CFAP58: variants seen among roughly 807,000 people sequenced by gnomAD.
CFAP58 encodes the protein cilia and flagella associated protein 58.
CFAP58 carries 88 observed loss-of-function variants against 119.5 expected under a neutral mutation model. The observed-to-expected ratio is 0.74, with a 90% CI of 0.62 to 0.88. CFAP58 has a LOEUF of 0.88. CFAP58 is among the 40% of genes least tolerant of loss of function. The pLI, the probability that CFAP58 is intolerant of heterozygous loss-of-function variation, is 0.00. For missense variants in CFAP58, 990 were observed against 1,021.2 expected (o/e 0.97, Z 0.42); for synonymous variants, 365 against 366.3 (o/e 1.00, Z 0.04).
chr10:104,432,588 C>T lies in CFAP58; in HGVS notation c.2257-15110C>T, dbSNP rs547357236. Among the ~76,000 whole-genome samples the T allele has an allele frequency of 2.5e-4, 38 of 152,144 alleles. No individual in the cohort carries two copies. In the South Asian group the frequency reaches 4.1e-3, roughly 17 times the overall value. On this transcript the variant is annotated intron_variant, in intron 15 of 17. Transcript: ENST00000369704. ...TGCGATCTTGGCCCACTACATTCTC[C>T]GCCTCATGGGTTCAAACAATTCTCC...
chr10:104,372,548 G>A (rs1291375587), intron 7 of CFAP58, among the ~76,000 whole-genome samples: 1 of 152,120 alleles, frequency 6.6e-6, no homozygotes, highest in Non-Finnish European at 1.5e-5. Flanking sequence ...TAGGTGCTGG[G>A]TGCATGGAGG....
At position 104,449,076 on chromosome 10, in the gene CFAP58, G is replaced by A. The variant is rs571588079; in HGVS notation, c.2377-995G>A. ...TGAGCATGTCTGCCAGTTTGTCCTT[G>A]ATACTTACCTACTCTTATAGGAAAT... On this transcript the variant is annotated intron_variant, in intron 16 of 17. Coordinates refer to ENST00000369704, the MANE Select transcript of CFAP58 (RefSeq NM_001008723.2). Among the ~76,000 whole-genome samples, 64 of 152,000 alleles carry A rather than the reference G, an allele frequency of 4.2e-4. 1 individual carries two copies. Among genetic ancestry groups the A allele is most frequent in the Non-Finnish European group, 1.5e-5 (1 of 67,990 alleles).
intron 3 of CFAP58, among the ~76,000 whole-genome samples, chr10:104,362,413 G>T (rs936554562): frequency 6.6e-6 from 1 of 152,140 alleles, no homozygotes; most frequent in African/African-American, 2.4e-5. Context: ...CAGTAGTATA[G>T]TTTCAAAATG....
chr10:104,453,761 AGTGTGT>A (rs56666132), intron 17 of CFAP58, among the ~76,000 whole-genome samples: 47 of 138,924 alleles, frequency 3.4e-4, no homozygotes, highest in African/African-American at 4.6e-4. Context: ...CATGAATATG[AGTGTGT>A]GTGTGTGTGT....
At chr10:104,353,281 A>T (rs1434118979), upstream of CFAP58, 1 of 152,284 alleles carries the variant, frequency 6.6e-6, no homozygotes, top group Non-Finnish European at 1.5e-5. Flanking sequence ...ATATTAGATT[A>T]AACCCTTTGA....
chr10:104,344,751 G>A, the CFAP58 span, among the ~76,000 whole-genome samples: 1 of 152,036 alleles, frequency 6.6e-6, no homozygotes. Context: ...CCCTTGCATT[G>A]CCTCAAAAAG....
chr10:104,432,358 G>A (rs2012862448), intron 15 of CFAP58, among the ~76,000 whole-genome samples: 1 of 152,214 alleles, frequency 6.6e-6, no homozygotes, highest in African/African-American at 2.4e-5. Flanking sequence ...ATATGAATCA[G>A]TAGTGAACAT....
At chr10:104,429,183 G>A (rs1273257452) in intron 15 of CFAP58, among the ~76,000 whole-genome samples, 1 of 152,170 alleles carries the variant, frequency 6.6e-6, no homozygotes, top group Non-Finnish European at 1.5e-5. Context: ...GGCTGGTGAT[G>A]AGGGGGTGGC....
chr10:104,391,598 A>G (rs2012045258), intron 9 of CFAP58, among the ~76,000 whole-genome samples: 1 of 152,144 alleles, frequency 6.6e-6, no homozygotes, highest in South Asian at 2.1e-4. Flanking sequence ...GTTGAGAGGT[A>G]TTGACTCATG....
At chr10:104,391,087 T>C (rs765202112) in intron 9 of CFAP58, among the ~76,000 whole-genome samples, 27 of 152,220 alleles carry the variant, frequency 1.8e-4, no homozygotes, top group Admixed American at 3.9e-4. Context: ...TTTTCTGGGA[T>C]GGCAATTCTG....
chr10:104,362,669 C>T (rs1256548672), intron 3 of CFAP58, among the ~76,000 whole-genome samples: 1 of 152,208 alleles, frequency 6.6e-6, no homozygotes. Flanking sequence ...ACCAGTGCTA[C>T]TGCCTTGGTT....
chr10:104,375,763 A>G (rs1369353772), intron 7 of CFAP58, among the ~76,000 whole-genome samples: 4 of 148,778 alleles, frequency 2.7e-5, no homozygotes, highest in Non-Finnish European at 6.0e-5. Flanking sequence ...GAAAAGCAGG[A>G]CAATTCAAAC....
At chr10:104,409,433 C>T (rs2012423195) in intron 15 of CFAP58, among the ~76,000 whole-genome samples, 2 of 152,136 alleles carry the variant, frequency 1.3e-5, no homozygotes, top group South Asian at 2.1e-4. Context: ...TTATACCTGA[C>T]GCCTGCTGTT....
chr10:104,388,956 T>A (rs1416714922), intron 9 of CFAP58, among the ~76,000 whole-genome samples: 3 of 152,176 alleles, frequency 2.0e-5, no homozygotes, highest in Non-Finnish European at 4.4e-5. Context: ...TTTCTATATT[T>A]GGATGTGATT....
chr10:104,446,360 C>T (rs868639035), intron 15 of CFAP58, among the ~76,000 whole-genome samples: 11 of 152,134 alleles, frequency 7.2e-5, no homozygotes, highest in African/African-American at 2.4e-4. Context: ...GAGCTTATTC[C>T]ATCCAAATAC....
chr10:104,353,840 G>A lies in CFAP58; in HGVS notation c.-58G>A, dbSNP rs967990545. ...GCCTTTAGCTTCTTTCCCAGACTCC[G>A]GCCCAGCTCCTGCGATCTCCACAGC... is the stretch of plus-strand genomic sequence containing the variant. On this transcript the variant is annotated 5_prime_UTR_variant, in exon 1 of 18. Transcript: ENST00000369704. 2.5e-6 allele frequency: 4 copies of A among 1,587,436 alleles called. No homozygotes were observed. Among genetic ancestry groups the A allele is most frequent in the African/African-American group, 1.3e-5 (1 of 74,406 alleles).
At chr10:104,350,553 G>A (rs1564872665), upstream of CFAP58, among the ~76,000 whole-genome samples, 2 of 152,104 alleles carry the variant, frequency 1.3e-5, no homozygotes, top group East Asian at 1.9e-4. Context: ...AACATGTCAC[G>A]CGCCTTTCTA....
chr10:104,399,834 G>C (rs1289860476), intron 12 of CFAP58, among the ~76,000 whole-genome samples: 1 of 152,020 alleles, frequency 6.6e-6, no homozygotes, highest in Non-Finnish European at 1.5e-5. Flanking sequence ...TTGACTGGGT[G>C]TTCACATGTA....
At chr10:104,412,248 T>G (rs1475649270) in intron 15 of CFAP58, among the ~76,000 whole-genome samples, 1 of 152,202 alleles carries the variant, frequency 6.6e-6, no homozygotes, top group East Asian at 1.9e-4. Flanking sequence ...ACAATAATAG[T>G]ACCCATAGAA....
Sources: allele counts gnomAD v4.1 joint callset (sites outside exome capture counted in the v4.1 genomes callset), GRCh38; gene constraint gnomAD v4.1.1; transcripts MANE v1.5; gene names NCBI Gene and HGNC (gene_info 2026-07-23, HGNC 2026-07-21).